NDUFS4: variants seen among roughly 807,000 people sequenced by gnomAD.
The protein encoded by NDUFS4 is NADH dehydrogenase [ubiquinone] iron-sulfur protein 4, mitochondrial.
In NDUFS4, 28 loss-of-function variants were observed where a neutral mutation model predicts 24.3. That is an observed-to-expected ratio of 1.15 (90% CI 0.85 to 1.58). NDUFS4 has a LOEUF of 1.58. NDUFS4 is among the 40% of genes most tolerant of loss of function. The pLI is 0.00. For synonymous variants in NDUFS4, 93 were observed against 69.7 expected (o/e 1.34, Z -1.67); for missense variants, 223 against 207.9 (o/e 1.07, Z -0.45).
chr5:53,633,186 AG>A (rs1751454657), intron 2 of NDUFS4, among the ~76,000 whole-genome samples: 1 of 152,160 alleles, frequency 6.6e-6, no homozygotes, highest in South Asian at 2.1e-4. Flanking sequence ...TTTCTGTAAC[AG>A]TTCTGTTGAA....
chr5:53,660,071 G>A (rs748330304), intron 4 of NDUFS4, among the ~76,000 whole-genome samples: 2 of 151,760 alleles, frequency 1.3e-5, no homozygotes, highest in African/African-American at 2.4e-5. Flanking sequence ...ATGTATACAT[G>A]TATACATGTG....
intron 1 of NDUFS4, among the ~76,000 whole-genome samples, chr5:53,581,749 A>G (rs1015471766): frequency 6.6e-6 from 1 of 152,146 alleles, no homozygotes; most frequent in East Asian, 1.9e-4. Context: ...GAAGTCTTAG[A>G]GCTCCCTCTC....
At chr5:53,649,093 A>G (rs1329158305) in intron 3 of NDUFS4, among the ~76,000 whole-genome samples, 2 of 152,192 alleles carry the variant, frequency 1.3e-5, no homozygotes, top group African/African-American at 4.8e-5. Flanking sequence ...ATAGGAATCT[A>G]TATTTTCTTT....
intron 4 of NDUFS4, among the ~76,000 whole-genome samples, chr5:53,674,521 A>ATCT (rs1322297785): frequency 6.6e-6 from 1 of 152,170 alleles, no homozygotes; most frequent in Non-Finnish European, 1.5e-5. Context: ...CTTACTTAGA[A>ATCT]GAGATCTAGG....
At chr5:53,672,718 G>A (rs538248677) in intron 4 of NDUFS4, among the ~76,000 whole-genome samples, 1 of 152,106 alleles carries the variant, frequency 6.6e-6, no homozygotes, top group East Asian at 1.9e-4. Context: ...CATAGGTGTA[G>A]CAAGAGTGTT....
chr5:53,636,943 A>G (rs1751574379), intron 2 of NDUFS4, among the ~76,000 whole-genome samples: 1 of 152,194 alleles, frequency 6.6e-6, no homozygotes, highest in Non-Finnish European at 1.5e-5. Context: ...CAGCCTGCCA[A>G]ACTGTGAGCC....
intron 1 of NDUFS4, among the ~76,000 whole-genome samples, chr5:53,594,209 G>C (rs1750061438): frequency 6.6e-6 from 1 of 152,060 alleles, no homozygotes; most frequent in South Asian, 2.1e-4. Context: ...AGCATATTTT[G>C]ACATTTTCTT....
At chr5:53,677,630 G>A (rs1419400541) in intron 4 of NDUFS4, among the ~76,000 whole-genome samples, 1 of 152,074 alleles carries the variant, frequency 6.6e-6, no homozygotes, top group Non-Finnish European at 1.5e-5. Flanking sequence ...ATATGTTAGG[G>A]TTATGCTCCG....
intron 4 of NDUFS4, among the ~76,000 whole-genome samples, chr5:53,670,126 G>C (rs754297246): frequency 3.3e-5 from 5 of 151,902 alleles, no homozygotes; most frequent in Non-Finnish European, 7.4e-5. Flanking sequence ...TGTTTGAATT[G>C]CTTCCAAACT....
intron 1 of NDUFS4, among the ~76,000 whole-genome samples, chr5:53,580,713 CT>C (rs1468980312): frequency 3.1e-4 from 22 of 70,026 alleles, no homozygotes; most frequent in African/African-American, 6.9e-4. Flanking sequence ...CTTTCCTTTC[CT>C]TTTCCTTTTC....
intron 2 of NDUFS4, among the ~76,000 whole-genome samples, chr5:53,606,623 C>T (rs1273651015): frequency 6.6e-6 from 1 of 152,204 alleles, no homozygotes; most frequent in African/African-American, 2.4e-5. Flanking sequence ...CCTCGGCCTC[C>T]CGAAGTGCTG....
chr5:53,570,673 TA>T lies in NDUFS4; in HGVS notation c.98+9914del, dbSNP rs1310230682. 4.8e-5 allele frequency among the ~76,000 whole-genome samples: 7 copies of T among 146,084 alleles called. No homozygotes were observed. The Admixed American group carries it at 4.9e-4, about 10-fold the overall frequency. ...TGCATCCTTGTTAACATTTGTATTG[TA>T]TTTTTTTTTCTTTTTTTTTTTTTTT... On this transcript the variant is annotated intron_variant, in intron 1 of 4. Coordinates refer to ENST00000296684, the MANE Select transcript of NDUFS4 (RefSeq NM_002495.4).
At chr5:53,648,679 T>TGTAA (rs1479858533) in intron 3 of NDUFS4, among the ~76,000 whole-genome samples, 2 of 152,164 alleles carry the variant, frequency 1.3e-5, no homozygotes, top group Admixed American at 6.5e-5. Flanking sequence ...CATTCCTGGT[T>TGTAA]GTAATAAGTG....
At chr5:53,671,784 C>G (rs1277568252) in intron 4 of NDUFS4, among the ~76,000 whole-genome samples, 5 of 152,150 alleles carry the variant, frequency 3.3e-5, no homozygotes, top group African/African-American at 1.2e-4. Flanking sequence ...CTAGAATCTA[C>G]TACCATTTAC....
Position 53,646,248 on chromosome 5 carries a change from ACTG to A in NDUFS4, c.194_196del (p.Thr65_Gly66delinsArg). 1 of 1,610,928 alleles carries A rather than the reference ACTG, an allele frequency of 6.2e-7. No individual in the cohort carries two copies. Among genetic ancestry groups the A allele is most frequent in the Non-Finnish European group, 8.5e-7 (1 of 1,177,500 alleles). ...TTTTCTGTAGGATATCACTACTTTA[ACTG>A]GAGTTCCAGAAGAGCATATAAAAAC... is the stretch of plus-strand genomic sequence containing the variant. On this transcript the variant is annotated inframe_deletion, in exon 3 of 5. Coordinates refer to ENST00000296684, the MANE Select transcript of NDUFS4 (RefSeq NM_002495.4).
At chr5:53,644,787 AAAC>A (rs1751809655) in intron 2 of NDUFS4, among the ~76,000 whole-genome samples, 1 of 152,144 alleles carries the variant, frequency 6.6e-6, no homozygotes. Context: ...TAGTTTCTGT[AAAC>A]AAGCTGTGAC....
chr5:53,645,166 A>G (rs1274514050), intron 2 of NDUFS4, among the ~76,000 whole-genome samples: 1 of 152,172 alleles, frequency 6.6e-6, no homozygotes, highest in Non-Finnish European at 1.5e-5. Context: ...TCCAAAATTT[A>G]CGTTAGTAAG....
intron 1 of NDUFS4, among the ~76,000 whole-genome samples, chr5:53,594,410 CTG>C (rs1750067029): frequency 6.6e-6 from 1 of 151,978 alleles, no homozygotes; most frequent in African/African-American, 2.4e-5. Flanking sequence ...TACTTTTAGT[CTG>C]TGTCTTTATA....
chr5:53,683,320 A>C lies in NDUFS4; in HGVS notation c.*99A>C. ...AATACATCTCTTAATCTCCTAATAA[A>C]TTGGACCTTTAAACTACAGATACAT... is the stretch of plus-strand genomic sequence containing the variant. On this transcript the variant is annotated 3_prime_UTR_variant, in exon 5 of 5. Transcript: ENST00000296684. 1.1e-6 allele frequency: 1 copy of C among 877,090 alleles called. No individual in the cohort carries two copies. The highest frequency in any genetic ancestry group is 1.9e-6 in the Non-Finnish European group (1 of 526,770). 54.3% of individuals were successfully genotyped at this position (877,090 alleles called of 1,614,324 possible). A position where few individuals can be genotyped will look rare whatever the true frequency, so the allele number is the denominator to read the frequency against.
Sources: gnomAD v4.1 joint callset for allele counts (sites outside exome capture counted in the v4.1 genomes callset) on GRCh38, gnomAD v4.1.1 for gene constraint, MANE v1.5 for transcripts, NCBI Gene and HGNC (gene_info 2026-07-23, HGNC 2026-07-21) for gene names.